KMT2C: variants seen among roughly 807,000 people sequenced by gnomAD.
KMT2C encodes the protein lysine methyltransferase 2C, also known as histone-lysine N-methyltransferase 2C.
In KMT2C, 88 loss-of-function variants were observed where a neutral mutation model predicts 507.9. The observed-to-expected ratio is 0.17, with a 90% CI of 0.15 to 0.21. The LOEUF (loss-of-function observed/expected upper bound fraction) is 0.21. Ranked by LOEUF, KMT2C falls within the 10% of genes least tolerant of loss-of-function variation. The probability of loss-of-function intolerance (pLI) is 1.00; values close to 1 mark genes in which losing one functional copy is unlikely to be tolerated. For synonymous variants in KMT2C, 2,049 were observed against 2,080.8 expected, an observed-to-expected ratio of 0.98 and a Z score of 0.42; for missense variants, 4,954 against 5,957.8, an observed-to-expected ratio of 0.83 and a Z score of 5.55.
Position 152,181,953 on chromosome 7 carries a change from T to A in KMT2C, c.5907A>T (p.Thr1969=), listed in dbSNP as rs1241927000. 7.4e-6 allele frequency: 12 copies of A among 1,613,994 alleles called. No individual in the cohort carries two copies. Among genetic ancestry groups the A allele is most frequent in the South Asian group, 3.3e-5 (3 of 91,076 alleles). Reference sequence around the variant, plus strand: ...ATTGATCTGTCATCACAGGCCTAGGTGTGTCTGGAGGTTTTGCATAGGGGT... The same window carrying A: ...ATTGATCTGTCATCACAGGCCTAGGAGTGTCTGGAGGTTTTGCATAGGGGT... ...NNDPYAKPPD[T]PRPVMTDQFP... The change falls in exon 36 of 59, where the codon ACA becomes ACT. Residue 1969 remains threonine, a synonymous_variant. Coordinates refer to ENST00000262189, the MANE Select transcript of KMT2C (RefSeq NM_170606.3).
intron 7 of KMT2C, among the ~76,000 whole-genome samples, chr7:152,273,360 A>G (rs2096012974): frequency 6.6e-6 from 1 of 152,182 alleles, no homozygotes. Context: ...ATGGCTTTTT[A>G]GTGTTGATTG....
At chr7:152,353,384 G>T (rs1315985395) in intron 2 of KMT2C, among the ~76,000 whole-genome samples, 1 of 152,112 alleles carries the variant, frequency 6.6e-6, no homozygotes. Flanking sequence ...AGATAAAGAT[G>T]AAATTTTCTT....
chr7:152,147,724 A>AAAAAAAAAAAAAAAAAAAAG (rs2091271006), intron 52 of KMT2C, among the ~76,000 whole-genome samples: 1 of 130,534 alleles, frequency 7.7e-6, no homozygotes, highest in African/African-American at 3.2e-5. Flanking sequence ...AAAAAAAAAA[A>AAAAAAAAAAAAAAAAAAAAG]AAAAGAAAAA....
intron 1 of KMT2C, among the ~76,000 whole-genome samples, chr7:152,400,188 T>TGGGTGTG (rs1200160422): frequency 6.6e-6 from 1 of 152,050 alleles, no homozygotes; most frequent in Admixed American, 6.6e-5. Context: ...AGCAGGTGCC[T>TGGGTGTG]GTAGTCCCAG....
At chr7:152,397,134 ATTC>A (rs985331106) in intron 1 of KMT2C, among the ~76,000 whole-genome samples, 2 of 152,016 alleles carry the variant, frequency 1.3e-5, no homozygotes, top group Admixed American at 6.6e-5. Flanking sequence ...GACAATTTTA[ATTC>A]TTCTTTATCT....
chr7:152,136,934 G>A lies in KMT2C; in HGVS notation c.14644-10C>T, dbSNP rs1406101643. On this transcript the variant is annotated splice_polypyrimidine_tract_variant and intron_variant, in intron 58 of 58. Transcript: ENST00000262189. ...TATAGTCATAGCAGAGCTGCCCACG[G>A]CAAAGACACAGGGTAAGAAAGGACA... 3 of 1,604,144 alleles carry A rather than the reference G, an allele frequency of 1.9e-6. No homozygotes were observed. Among genetic ancestry groups the A allele is most frequent in the Non-Finnish European group, 1.7e-6 (2 of 1,173,558 alleles).
At position 152,171,310 on chromosome 7, in the gene KMT2C, G is replaced by T. The variant is rs1292141839; in HGVS notation, c.9407C>A (p.Thr3136Lys). The T allele has an allele frequency of 1.4e-5, 23 of 1,608,554 alleles. No homozygotes were observed. In the Admixed American group the frequency reaches 3.9e-4, roughly 27 times the overall value. The change falls in exon 40 of 59, where the codon ACA (threonine) becomes AAA (lysine). Residue 3136 changes from threonine (T) to lysine (K), a missense_variant. Coordinates refer to ENST00000262189, the MANE Select transcript of KMT2C (RefSeq NM_170606.3). ...AAGGTTCTGTCCTTCACTGTTCTGTGTTCCAGTTACCACCTGGCCCATAAA... is the reference window on the plus strand; with the variant it reads ...AAGGTTCTGTCCTTCACTGTTCTGTTTTCCAGTTACCACCTGGCCCATAAA... ...FPFMGQVVTG[T>K]QNSEGQNLGP...
At chr7:152,266,473 GAGCTCA>G in intron 7 of KMT2C, among the ~76,000 whole-genome samples, 1 of 152,000 alleles carries the variant, frequency 6.6e-6, no homozygotes, top group Non-Finnish European at 1.5e-5. Flanking sequence ...TCAAACTCCT[GAGCTCA>G]AGCAATCCTC....
intron 57 of KMT2C, 85 bp downstream of exon 57, chr7:152,139,101 G>A: frequency 7.6e-7 from 1 of 1,320,296 alleles, no homozygotes; most frequent in Non-Finnish European, 1.1e-6. Context: ...TGCCGTGAGA[G>A]CCTTTCCCTT....
At position 152,379,057 on chromosome 7, in the gene KMT2C, T is replaced by TA. The variant is rs1446749312; in HGVS notation, c.162-20383dup. 2.0e-5 allele frequency among the ~76,000 whole-genome samples: 3 copies of TA among 152,172 alleles called. No individual in the cohort carries two copies. In the East Asian group the frequency reaches 5.8e-4, roughly 29 times the overall value. ...CAGCCTGGTCTGTAGAAAGAGTCCATACATGGCCTCCCTCCACTCCCTCAT... is the reference window on the plus strand; with the variant it reads ...CAGCCTGGTCTGTAGAAAGAGTCCATAACATGGCCTCCCTCCACTCCCTCAT... On this transcript the variant is annotated intron_variant, in intron 1 of 58. Coordinates refer to ENST00000262189, the MANE Select transcript of KMT2C (RefSeq NM_170606.3).
At chr7:152,349,131 T>C (rs1473328100) in intron 2 of KMT2C, among the ~76,000 whole-genome samples, 1 of 152,004 alleles carries the variant, frequency 6.6e-6, no homozygotes, top group Middle Eastern at 3.2e-3. Flanking sequence ...TAAGAAGAAA[T>C]GCACTATCAA....
chr7:152,145,373 GC>G, intron 53 of KMT2C, 78 bp from the exon 54 acceptor site: 1 of 1,411,600 alleles, frequency 7.1e-7, no homozygotes, highest in Non-Finnish European at 9.7e-7. Context: ...TCAAAGGATG[GC>G]CCACGACAGA....
intron 2 of KMT2C, among the ~76,000 whole-genome samples, chr7:152,341,022 TAAAAG>T (rs1209371946): frequency 6.6e-6 from 1 of 152,220 alleles, no homozygotes; most frequent in African/African-American, 2.4e-5. Flanking sequence ...TTGCAATTAA[TAAAAG>T]AAACTAAAAT....
Position 152,250,836 on chromosome 7 carries a change from C to T in KMT2C, c.1735+17G>A. On this transcript the variant is annotated intron_variant, in intron 12 of 58. Coordinates refer to ENST00000262189, the MANE Select transcript of KMT2C (RefSeq NM_170606.3). The stretch of plus-strand genomic sequence containing the variant: ...CATTTTCTTCAAAAACAGAGTATAT[C>T]CATTAAACATTCTTACCATCTGGAA... The T allele has an allele frequency of 5.6e-6, 7 of 1,259,782 alleles. No homozygotes were observed. Among genetic ancestry groups the T allele is most frequent in the Middle Eastern group, 1.9e-4 (1 of 5,366 alleles). 78.0% of individuals were successfully genotyped at this position (1,259,782 alleles called of 1,614,324 possible).
chr7:152,386,208 A>G (rs2097424368), intron 1 of KMT2C, among the ~76,000 whole-genome samples: 4 of 149,638 alleles, frequency 2.7e-5, no homozygotes, highest in African/African-American at 7.3e-5. Context: ...CTGTTAAAAA[A>G]GAAAAAAAAA....
chr7:152,307,491 G>C (rs2096632376), intron 6 of KMT2C, among the ~76,000 whole-genome samples: 1 of 152,038 alleles, frequency 6.6e-6, no homozygotes, highest in Admixed American at 6.6e-5. Flanking sequence ...TAGTGGAGAG[G>C]TAAAGATTTG....
chr7:152,298,382 ATAT>A (rs941244533), intron 6 of KMT2C, among the ~76,000 whole-genome samples: 84 of 152,344 alleles, frequency 5.5e-4, no homozygotes, highest in Middle Eastern at 3.4e-3. Context: ...AATCAGGGAT[ATAT>A]TATTAATAGC....
Position 152,252,677 on chromosome 7 carries a change from A to T in KMT2C, c.1338T>A (p.Ser446Arg). Reference sequence around the variant, plus strand: ...TCAGGCAATTGTGGTGCCACTGAGAACTAGACCGTGTGCCACACTCTATAC... The same window carrying T: ...TCAGGCAATTGTGGTGCCACTGAGATCTAGACCGTGTGCCACACTCTATAC... ...RICIECGTRSSSQWHHNCLIC... is the reference protein window; with the variant it reads ...RICIECGTRSRSQWHHNCLIC... The change falls in exon 10 of 59, where the codon AGT becomes AGA. Residue 446 changes from serine (S) to arginine (R), a missense_variant. Coordinates refer to ENST00000262189, the MANE Select transcript of KMT2C (RefSeq NM_170606.3). 2 of 1,613,596 alleles carry T rather than the reference A, an allele frequency of 1.2e-6. No homozygotes were observed. Among genetic ancestry groups the T allele is most frequent in the Middle Eastern group, 3.3e-4 (2 of 6,058 alleles).
At chr7:152,246,442 C>T (rs1383827999) in intron 14 of KMT2C, among the ~76,000 whole-genome samples, 1 of 152,074 alleles carries the variant, frequency 6.6e-6, no homozygotes, top group African/African-American at 2.4e-5. Flanking sequence ...ATACACCCCC[C>T]TCCCCAATAT....
Sources: gnomAD v4.1 joint callset for allele counts (sites outside exome capture counted in the v4.1 genomes callset) on GRCh38, gnomAD v4.1.1 for gene constraint, MANE v1.5 for transcripts, NCBI Gene and HGNC (gene_info 2026-07-23, HGNC 2026-07-21) for gene names.